The following NR5A2 variants were observed in gnomAD, a reference collection of about 807,000 sequenced individuals.
NR5A2 encodes the protein nuclear receptor subfamily 5 group A member 2.
A neutral mutation model predicts 62.7 loss-of-function variants in NR5A2; 26 were observed. The ratio of observed to expected loss-of-function variants is 0.41; its 90% CI spans 0.30 to 0.58. The LOEUF (loss-of-function observed/expected upper bound fraction) is 0.58. Ranked by LOEUF, NR5A2 falls within the 20% of genes least tolerant of loss-of-function variation. The probability of loss-of-function intolerance (pLI) is 0.22; values close to 1 mark genes in which losing one functional copy is unlikely to be tolerated. For synonymous variants in NR5A2, 246 were observed against 241.7 expected (o/e 1.02, Z -0.16); for missense variants, 541 against 669.1 (o/e 0.81, Z 2.11).
At chr1:200,118,436 T>C (rs541908145) in intron 6 of NR5A2, among the ~76,000 whole-genome samples, 11 of 152,362 alleles carry the variant, frequency 7.2e-5, no homozygotes, top group Admixed American at 6.5e-4. Flanking sequence ...TTGATAATCA[T>C]AGAAGTGAGA....
At chr1:200,101,453 G>A (rs1665364587) in intron 5 of NR5A2, among the ~76,000 whole-genome samples, 1 of 152,158 alleles carries the variant, frequency 6.6e-6, no homozygotes, top group Non-Finnish European at 1.5e-5. Flanking sequence ...GAATTGCTAT[G>A]TTCTTTACTT....
At chr1:200,100,891 A>T (rs1665334636) in intron 5 of NR5A2, among the ~76,000 whole-genome samples, 2 of 152,210 alleles carry the variant, frequency 1.3e-5, no homozygotes, top group African/African-American at 4.8e-5. Context: ...ACAAGGAACC[A>T]AATTGTGGCT....
intron 5 of NR5A2, among the ~76,000 whole-genome samples, chr1:200,089,833 T>G (rs775868089): frequency 6.6e-6 from 1 of 152,226 alleles, no homozygotes; most frequent in Admixed American, 6.5e-5. Flanking sequence ...GTTGTCTGGT[T>G]TGATCATATC....
chr1:200,065,023 A>T (rs909887086), intron 5 of NR5A2, among the ~76,000 whole-genome samples: 6 of 151,850 alleles, frequency 4.0e-5, no homozygotes, highest in African/African-American at 1.5e-4. Context: ...AGGCTCAAGC[A>T]ATTCTTCTGC....
chr1:200,045,335 C>A, intron 3 of NR5A2, 108 bp from the exon 4 acceptor site: 2 of 978,830 alleles, frequency 2.0e-6, no homozygotes, highest in Non-Finnish European at 2.9e-6. Flanking sequence ...CACATAAGGG[C>A]TCAAATAGTG....
chr1:200,125,616 T>G (rs1666667638), intron 7 of NR5A2, among the ~76,000 whole-genome samples: 1 of 152,226 alleles, frequency 6.6e-6, no homozygotes, highest in Non-Finnish European at 1.5e-5. Flanking sequence ...GTTGCTTGTT[T>G]CATCCACAGG....
chr1:200,127,676 CAAAAAAAAAAAAAAAAAAAAAAA>C (rs71132666), intron 7 of NR5A2, among the ~76,000 whole-genome samples: 1 of 25,616 alleles, frequency 3.9e-5, no homozygotes, highest in African/African-American at 1.6e-4. Context: ...GACTCTGTCT[CAAAAAAAAAAAAAAAAAAAAAAA>C]AAAAAAAAAA....
At chr1:200,110,029 T>A (rs1028199987) in intron 5 of NR5A2, among the ~76,000 whole-genome samples, 2 of 152,204 alleles carry the variant, frequency 1.3e-5, no homozygotes, top group Non-Finnish European at 2.9e-5. Flanking sequence ...CCTCCCAAAG[T>A]GCTAGGATTA....
Position 200,027,858 on chromosome 1 carries a change from A to T in NR5A2, c.11A>T (p.Asn4Ile). MSS[N>I]SDTGDLQESL... ...ATAATTTCACTAAGAATGTCTTCTAATTCAGATACTGGGGATTTACAAGAG... is the reference window on the plus strand; with the variant it reads ...ATAATTTCACTAAGAATGTCTTCTATTTCAGATACTGGGGATTTACAAGAG... Residue 4 changes from asparagine to isoleucine, a missense_variant, in exon 1 of 8, where the codon AAT becomes ATT. Asn to Ile is a moderately radical substitution (Grantham distance 149, BLOSUM62 -3). Coordinates refer to ENST00000367362, the MANE Select transcript of NR5A2 (RefSeq NM_205860.3). The T allele has an allele frequency of 1.2e-6, 2 of 1,605,252 alleles. No homozygotes were observed. Among genetic ancestry groups the T allele is most frequent in the Non-Finnish European group, 1.7e-6 (2 of 1,175,668 alleles).
At chr1:200,151,546 T>G (rs985324972) in intron 7 of NR5A2, among the ~76,000 whole-genome samples, 1 of 152,122 alleles carries the variant, frequency 6.6e-6, no homozygotes, top group Non-Finnish European at 1.5e-5. Flanking sequence ...CACTCAACTG[T>G]TTTTTTCCCA....
chr1:200,072,532 C>A (rs1209363476), intron 5 of NR5A2, among the ~76,000 whole-genome samples: 1 of 152,074 alleles, frequency 6.6e-6, no homozygotes. Flanking sequence ...CCCCTACCCA[C>A]CATTGAAATC....
At chr1:200,095,006 A>G (rs531200502) in intron 5 of NR5A2, among the ~76,000 whole-genome samples, 4 of 152,278 alleles carry the variant, frequency 2.6e-5, no homozygotes, top group African/African-American at 9.6e-5. Flanking sequence ...ACATATTTGT[A>G]AGATTCCAAA....
In NR5A2 at chr1:200,039,821, G is replaced by A. The variant is rs766464131; in HGVS notation, c.202+26G>A. 154 of 1,585,500 alleles carry A rather than the reference G, an allele frequency of 9.7e-5. 6 individuals are homozygous for A. The South Asian group carries it at 1.7e-3, about 17-fold the overall frequency. On this transcript the variant is annotated intron_variant, in intron 2 of 7. Transcript: ENST00000367362. This position sits in a 1 kb window ranked among gnomAD's most constrained non-coding sequence, Gnocchi z 5.1. ...GTAAGGAGGCGCCGCGCGGCGCTCC[G>A]GCTCCCGCTGCTTCCCCACCCCCGG... is the stretch of plus-strand genomic sequence containing the variant.
chr1:200,041,413 T>A (rs1571701390), intron 2 of NR5A2, among the ~76,000 whole-genome samples: 1 of 152,224 alleles, frequency 6.6e-6, no homozygotes, highest in South Asian at 2.1e-4. Context: ...CAAGGCTTCG[T>A]CGGAGACTAG....
At chr1:200,051,680 A>G (rs1041004052) in intron 5 of NR5A2, among the ~76,000 whole-genome samples, 5 of 152,174 alleles carry the variant, frequency 3.3e-5, no homozygotes, top group African/African-American at 9.7e-5. Context: ...GTGAACAAAG[A>G]GTAGAATTCA....
chr1:200,100,188 C>A (rs1665299470), intron 5 of NR5A2, among the ~76,000 whole-genome samples: 1 of 152,150 alleles, frequency 6.6e-6, no homozygotes, highest in African/African-American at 2.4e-5. Flanking sequence ...TGAAACAATA[C>A]CCAGAAAGAG....
Position 200,027,748 on chromosome 1 carries a change from A to T in NR5A2, c.-100A>T, listed in dbSNP as rs1661398801. 1.5e-6 allele frequency: 1 copy of T among 685,602 alleles called. No individual in the cohort carries two copies. The highest frequency in any genetic ancestry group is 2.5e-6 in the Non-Finnish European group (1 of 398,872). 42.5% of individuals were successfully genotyped at this position (685,602 alleles called of 1,614,324 possible). The stretch of plus-strand genomic sequence containing the variant: ...TTTCACTAAGGGTTACTGTAGTCTG[A>T]TGTGTCCTTCCCAAGGCCACGAAAT... On this transcript the variant is annotated 5_prime_UTR_variant, in exon 1 of 8. The change abolishes an upstream ATG in the 5' untranslated region. Coordinates refer to ENST00000367362, the MANE Select transcript of NR5A2 (RefSeq NM_205860.3).
At position 200,085,673 on chromosome 1, in the gene NR5A2, A is replaced by AG. The variant is rs1391391437; in HGVS notation, c.1111-25529_1111-25528insG. Among the ~76,000 whole-genome samples, 126 of 114,348 alleles carry AG rather than the reference A, an allele frequency of 1.1e-3. 2 individuals are homozygous for AG. The highest frequency in any genetic ancestry group is 9.4e-5 in the Non-Finnish European group (5 of 52,950). 75.0% of individuals were successfully genotyped at this position (114,348 alleles called of 152,430 possible). ...ATGAAGACCTATCTCAAAAAAAAAA[A>AG]AAAAGAAAAGAAAGAAAGAAATGGT... On this transcript the variant is annotated intron_variant, in intron 5 of 7. Coordinates refer to ENST00000367362, the MANE Select transcript of NR5A2 (RefSeq NM_205860.3).
intron 7 of NR5A2, among the ~76,000 whole-genome samples, chr1:200,126,057 A>G (rs1666687626): frequency 6.6e-6 from 1 of 152,160 alleles, no homozygotes; most frequent in South Asian, 2.1e-4. Context: ...TATGTTGCCC[A>G]GGCTGGTCTC....
Sources: allele counts gnomAD v4.1 joint callset (sites outside exome capture counted in the v4.1 genomes callset), GRCh38; gene constraint gnomAD v4.1.1; non-coding constraint Gnocchi (gnomAD v3.1); transcripts MANE v1.5; gene names NCBI Gene and HGNC (gene_info 2026-07-23, HGNC 2026-07-21).